MYH10: variants seen among roughly 807,000 people sequenced by gnomAD.
MYH10 encodes the protein myosin heavy chain 10.
Under a neutral mutation model 257.8 loss-of-function variants are expected in MYH10, and 55 were observed. The observed-to-expected ratio is 0.21, with a 90% confidence interval of 0.17 to 0.27. The LOEUF is 0.27. Ranked by LOEUF, MYH10 falls within the 10% of genes least tolerant of loss-of-function variation. The probability of loss-of-function intolerance (pLI) is 1.00; values close to 1 mark genes in which losing one functional copy is unlikely to be tolerated. For synonymous variants in MYH10, 854 were observed against 921.7 expected, an observed-to-expected ratio of 0.93 and a Z score of 1.33; for missense variants, 1,631 against 2,500.6, an observed-to-expected ratio of 0.65 and a Z score of 7.42.
In MYH10 at chr17:8,482,436, A is replaced by G. The variant is rs567395494; in HGVS notation, c.5176-1026T>C. On this transcript the variant is annotated intron_variant, in intron 37 of 42. Transcript: ENST00000360416. ...ACACAGGGCAGGGTGGGAGTCAGGA[A>G]GGAAAGAGAGGCAGCTGACGGAATG... is the stretch of plus-strand genomic sequence containing the variant. Among the ~76,000 whole-genome samples the G allele has an allele frequency of 6.5e-4, 99 of 152,188 alleles. 1 individual carries two copies. Among genetic ancestry groups the G allele is most frequent in the Non-Finnish European group, 1.3e-3 (90 of 68,030 alleles).
intron 9 of MYH10, among the ~76,000 whole-genome samples, chr17:8,549,222 T>G (rs2082541506): frequency 6.6e-6 from 1 of 152,198 alleles, no homozygotes; most frequent in African/African-American, 2.4e-5. Context: ...GAAGTGAATA[T>G]GAAAACTACC....
chr17:8,487,529 C>A lies in MYH10; in HGVS notation c.4950G>T (p.Lys1650Asn), dbSNP rs1380537480. The A allele has an allele frequency of 3.2e-5, 52 of 1,614,102 alleles. No individual in the cohort carries two copies. Among genetic ancestry groups the A allele is most frequent in the Non-Finnish European group, 4.3e-5 (51 of 1,180,046 alleles). Reference sequence around the variant, plus strand: ...CCTTCAGGTCTATCTCCATCTTTTTCTTTGAAGCTACAGCAAGCGCCCGCT... The same window carrying A: ...CCTTCAGGTCTATCTCCATCTTTTTATTTGAAGCTACAGCAAGCGCCCGCT... ...RKQRALAVAS[K>N]KKMEIDLKDL... Residue 1650 changes from lysine (K) to asparagine (N), a missense_variant, in exon 36 of 43, where the codon AAG (lysine) becomes AAT (asparagine). Physicochemically the swap from Lys to Asn is moderately conservative, Grantham distance 94. This residue lies in a region of MYH10 where 463 missense variants were observed against 621.8 expected (regional missense o/e 0.74). Coordinates refer to ENST00000360416, the MANE Select transcript of MYH10 (RefSeq NM_001256012.3).
intron 7 of MYH10, among the ~76,000 whole-genome samples, chr17:8,568,919 G>C (rs1240856648): frequency 6.6e-6 from 1 of 151,580 alleles, no homozygotes; most frequent in Non-Finnish European, 1.5e-5. Context: ...AATAGCTAAG[G>C]AGAATTTTTA....
At chr17:8,497,405 A>G (rs1178190253) in intron 30 of MYH10, among the ~76,000 whole-genome samples, 1 of 152,020 alleles carries the variant, frequency 6.6e-6, no homozygotes, top group Non-Finnish European at 1.5e-5. Flanking sequence ...CTTCCTATCC[A>G]TAGGTTCCAT....
At position 8,476,907 on chromosome 17, in the gene MYH10, G is replaced by A; in HGVS notation, c.5848C>T (p.Arg1950Cys). ...DATEANEGLS[R>C]EVSTLKNRLR... is the part of the protein sequence containing the mutation. ...CGGTTCTTCAGGGTGCTGACCTCGC[G>A]GCTCAGGCCCTCGTTGGCCTCGGTG... is the stretch of plus-strand genomic sequence containing the variant. The change falls in exon 42 of 43, where the codon CGC (arginine) becomes TGC (cysteine). Residue 1950 changes from arginine to cysteine, a missense_variant. Transcript: ENST00000360416. 3 of 1,612,118 alleles carry A rather than the reference G, an allele frequency of 1.9e-6. No individual in the cohort carries two copies. The highest frequency in any genetic ancestry group is 8.5e-7 in the Non-Finnish European group (1 of 1,179,980).
In MYH10 at chr17:8,480,202, G is replaced by A. The variant is rs751884968; in HGVS notation, c.5505C>T (p.Leu1835=). Residue 1835 remains leucine, a synonymous_variant, in exon 40 of 43, where the codon CTC becomes CTT. Transcript: ENST00000360416. ...NKELKAKLQE[L]EGAVKSKFKA... ...TGAACTTAGACTTGACAGCACCCTC[G>A]AGTTCCTGCAGCTTGGCCTTCAGCT... The A allele has an allele frequency of 4.7e-5, 76 of 1,614,120 alleles. 1 individual carries two copies. In the East Asian group the frequency reaches 7.4e-4, roughly 16 times the overall value.
At chr17:8,586,685 C>T (rs546609934) in intron 4 of MYH10, among the ~76,000 whole-genome samples, 23 of 152,186 alleles carry the variant, frequency 1.5e-4, no homozygotes, top group African/African-American at 5.3e-4. Flanking sequence ...AAAATGGTGT[C>T]GATCATCTAA....
chr17:8,500,134 T>A (rs2151841666), intron 29 of MYH10, among the ~76,000 whole-genome samples: 1 of 152,310 alleles, frequency 6.6e-6, no homozygotes, highest in South Asian at 2.1e-4. Context: ...AACATAAATG[T>A]TCCGTAAATG....
At chr17:8,575,097 G>A (rs1445374152) in intron 6 of MYH10, among the ~76,000 whole-genome samples, 1 of 152,180 alleles carries the variant, frequency 6.6e-6, no homozygotes, top group African/African-American at 2.4e-5. Flanking sequence ...ATGCAAATCG[G>A]CAATGACCGG....
intron 3 of MYH10, among the ~76,000 whole-genome samples, chr17:8,604,034 T>C (rs1567968785): frequency 6.6e-6 from 1 of 152,198 alleles, no homozygotes; most frequent in Non-Finnish European, 1.5e-5. Flanking sequence ...TGACCTGCAA[T>C]TTGATGAAAA....
intron 7 of MYH10, among the ~76,000 whole-genome samples, chr17:8,556,343 T>C (rs957747429): frequency 6.6e-6 from 1 of 152,202 alleles, no homozygotes; most frequent in East Asian, 1.9e-4. Context: ...TTATTCTTAA[T>C]AGCCCTAAAC....
chr17:8,607,213 T>C (rs75705645), intron 2 of MYH10, among the ~76,000 whole-genome samples: 5,745 of 152,268 alleles, frequency 0.038, 360 homozygotes, highest in African/African-American at 0.13. Context: ...CTACAGATTA[T>C]ACTCTTCAAT....
intron 8 of MYH10, 137 bp downstream of exon 8, chr17:8,553,818 T>C: frequency 3.0e-6 from 2 of 672,172 alleles, no homozygotes; most frequent in Admixed American, 2.6e-5. Context: ...TCGAAAGTAT[T>C]TGAACAAGGC....
At chr17:8,560,758 C>A in intron 7 of MYH10, 2 of 609,574 alleles carry the variant, frequency 3.3e-6, no homozygotes, top group South Asian at 1.4e-5. Flanking sequence ...CAGGTCCTGG[C>A]ATCTTGTCCA....
intron 3 of MYH10, among the ~76,000 whole-genome samples, chr17:8,601,500 T>C (rs374005517): frequency 6.6e-6 from 1 of 152,196 alleles, no homozygotes; most frequent in Non-Finnish European, 1.5e-5. Context: ...TTAGTTCAGG[T>C]GACCTTTTTC....
rs745620396 is a variant in MYH10, at chr17:8,548,717, C to T, written c.990G>A (p.Gln330=). 1 of 1,613,836 alleles carries T rather than the reference C, an allele frequency of 6.2e-7. No homozygotes were observed. Among genetic ancestry groups the T allele is most frequent in the South Asian group, 1.1e-5 (1 of 91,076 alleles). Residue 330 remains glutamine, a synonymous_variant, in exon 10 of 43, where the codon CAG becomes CAA. Transcript: ENST00000360416. Reference sequence around the variant, plus strand: ...TCTCCTGGAAATTATCTTTGTCTTGCTGTCCCGGAATAGGAATATAGCCAT... The same window carrying T: ...TCTCCTGGAAATTATCTTTGTCTTGTTGTCCCGGAATAGGAATATAGCCAT... ...LSNGYIPIPG[Q]QDKDNFQETM...
intron 7 of MYH10, among the ~76,000 whole-genome samples, chr17:8,560,112 T>C (rs2082936956): frequency 6.6e-6 from 1 of 152,234 alleles, no homozygotes; most frequent in Non-Finnish European, 1.5e-5. Context: ...CTTTTAGCTT[T>C]CACCAACATG....
At chr17:8,605,105 A>G in intron 2 of MYH10, 123 bp from the exon 3 acceptor site, 2 of 504,624 alleles carry the variant, frequency 4.0e-6, no homozygotes, top group Non-Finnish European at 6.5e-6. Context: ...TGGATAATTA[A>G]TCTATCCCCC....
At chr17:8,594,543 C>T (rs2084287094) in intron 3 of MYH10, among the ~76,000 whole-genome samples, 1 of 152,148 alleles carries the variant, frequency 6.6e-6, no homozygotes, top group African/African-American at 2.4e-5. Context: ...AAGTTAAACA[C>T]ACATCTACCA....
Sources: gnomAD v4.1 joint callset for allele counts (sites outside exome capture counted in the v4.1 genomes callset) on GRCh38, gnomAD v4.1.1 for gene constraint, gnomAD v4.1.1 regional missense constraint, MANE v1.5 for transcripts, NCBI Gene and HGNC (gene_info 2026-07-23, HGNC 2026-07-21) for gene names.